The following UBE3C variants were observed in gnomAD, a reference collection of about 807,000 sequenced individuals.
UBE3C encodes the protein ubiquitin-protein ligase E3C.
A neutral mutation model predicts 129.4 loss-of-function variants in UBE3C; 42 were observed. That is an observed-to-expected ratio of 0.32 (90% confidence interval 0.25 to 0.42). The LOEUF is 0.42. Ranked by LOEUF, UBE3C falls within the 10% of genes least tolerant of loss-of-function variation. The probability of loss-of-function intolerance (pLI) is 1.00; values close to 1 mark genes in which losing one functional copy is unlikely to be tolerated. For synonymous variants in UBE3C, 510 were observed against 492.4 expected (o/e 1.04, Z -0.47); for missense variants, 1,049 against 1,319.1 (o/e 0.80, Z 3.17).
rs1051073277 is a variant in UBE3C at position 157,242,636 on chromosome 7, T to G, written c.2482-5732T>G. On this transcript the variant is annotated intron_variant, in intron 18 of 22. Transcript: ENST00000348165. ...GGAAGTGGGAATATGGGTTTGCTAC[T>G]TTAGCGAACTTCCTTGTTCATGAAG... Among the ~76,000 whole-genome samples, 10 of 152,052 alleles carry G rather than the reference T, an allele frequency of 6.6e-5. No individual in the cohort carries two copies. In the East Asian group the frequency reaches 1.9e-3, roughly 29 times the overall value.
intron 10 of UBE3C, among the ~76,000 whole-genome samples, chr7:157,194,451 C>T (rs1276910276): frequency 6.6e-6 from 1 of 152,094 alleles, no homozygotes; most frequent in Non-Finnish European, 1.5e-5. Context: ...GAGAAGTAGG[C>T]ATAAAAGACT....
intron 18 of UBE3C, among the ~76,000 whole-genome samples, chr7:157,236,448 G>A (rs570976111): frequency 1.3e-5 from 2 of 152,256 alleles, no homozygotes; most frequent in East Asian, 1.9e-4. Context: ...CAATTAGATT[G>A]TATAACTTTG....
intron 3 of UBE3C, among the ~76,000 whole-genome samples, chr7:157,169,668 G>A (rs1488627596): frequency 6.6e-6 from 1 of 151,688 alleles, no homozygotes; most frequent in East Asian, 2.0e-4. Context: ...AAGCCACTGC[G>A]CCTGGCCTGT....
chr7:157,196,170 G>A lies in UBE3C; in HGVS notation c.1332-5551G>A, dbSNP rs541414496. Among the ~76,000 whole-genome samples the A allele has an allele frequency of 5.3e-5, 8 of 152,276 alleles. No homozygotes were observed. In the South Asian group the frequency reaches 1.0e-3, roughly 20 times the overall value. ...TAGAAGGCCGCAAGCCAAGGAATGCGGATGTTCTCTAGAAGGTGGAATGAC... is the reference window on the plus strand; with the variant it reads ...TAGAAGGCCGCAAGCCAAGGAATGCAGATGTTCTCTAGAAGGTGGAATGAC... On this transcript the variant is annotated intron_variant, in intron 10 of 22. Coordinates refer to ENST00000348165, the MANE Select transcript of UBE3C (RefSeq NM_014671.3).
At chr7:157,169,207 A>G in intron 3 of UBE3C, 85 bp downstream of exon 3, 1 of 997,846 alleles carries the variant, frequency 1.0e-6, no homozygotes, top group Non-Finnish European at 1.5e-6. Flanking sequence ...TTGTTAATTG[A>G]AGTCAATGCT....
chr7:157,161,983 T>A (rs1451706809), intron 1 of UBE3C, among the ~76,000 whole-genome samples: 1 of 151,664 alleles, frequency 6.6e-6, no homozygotes, highest in Non-Finnish European at 1.5e-5. Flanking sequence ...GGCACGAGAA[T>A]TGCTTGAAAC....
At chr7:157,152,842 G>A (rs1024366391) in intron 1 of UBE3C, among the ~76,000 whole-genome samples, 2 of 152,168 alleles carry the variant, frequency 1.3e-5, no homozygotes, top group Non-Finnish European at 2.9e-5. Context: ...CACTGAGAAG[G>A]TGGTTCCAAC....
intron 11 of UBE3C, among the ~76,000 whole-genome samples, chr7:157,204,797 G>T (rs1809387219): frequency 6.6e-6 from 1 of 152,184 alleles, no homozygotes; most frequent in Admixed American, 6.5e-5. Flanking sequence ...TGGGCAGTAG[G>T]TGCTGGTGTT....
At position 157,186,952 on chromosome 7, in the gene UBE3C, T is replaced by C. The variant is rs1586672935; in HGVS notation, c.1262T>C (p.Val421Ala). 6.2e-7 allele frequency: 1 copy of C among 1,613,442 alleles called. No homozygotes were observed. The highest frequency in any genetic ancestry group is 8.5e-7 in the Non-Finnish European group (1 of 1,179,770). Residue 421 changes from valine (V) to alanine (A), a missense_variant, in exon 10 of 23, where the codon GTC (valine) becomes GCC (alanine). Coordinates refer to ENST00000348165, the MANE Select transcript of UBE3C (RefSeq NM_014671.3). ...TGGAGGGACTCTGCGAGCGAGGAGG[T>C]CTTCACCACCATGGCCTCCGTCTGC... ...LVWRDSASEE[V>A]FTTMASVCHT... is the part of the protein sequence containing the mutation.
intron 15 of UBE3C, 21 bp from the exon 16 acceptor site, chr7:157,223,233 A>G: frequency 6.2e-7 from 1 of 1,612,360 alleles, no homozygotes; most frequent in East Asian, 2.2e-5. Context: ...GAACTAATTA[A>G]GGTTTTAAAA....
chr7:157,185,013 A>AT (rs1197877214), intron 9 of UBE3C, among the ~76,000 whole-genome samples: 1 of 152,196 alleles, frequency 6.6e-6, no homozygotes. Context: ...ACAAGTATTC[A>AT]TTTTTTTGTA....
chr7:157,212,575 A>G (rs1223264426), intron 13 of UBE3C, among the ~76,000 whole-genome samples: 1 of 152,158 alleles, frequency 6.6e-6, no homozygotes, highest in Non-Finnish European at 1.5e-5. Context: ...GTTAATTTAC[A>G]ATGTTTACCT....
chr7:157,145,224 G>C (rs1743441428), intron 1 of UBE3C, among the ~76,000 whole-genome samples: 1 of 151,764 alleles, frequency 6.6e-6, no homozygotes, highest in Admixed American at 6.6e-5. Context: ...CTGGGTGACA[G>C]AGCATGACTC....
At chr7:157,139,870 G>GAATT in intron 1 of UBE3C, 1 of 451,390 alleles carries the variant, frequency 2.2e-6, no homozygotes, top group Non-Finnish European at 2.9e-6. Context: ...TGCTGATGTC[G>GAATT]ATAATCTCTA....
intron 11 of UBE3C, among the ~76,000 whole-genome samples, chr7:157,202,432 G>A (rs774425291): frequency 3.9e-5 from 6 of 152,156 alleles, no homozygotes; most frequent in South Asian, 2.1e-4. Context: ...CGAGGCCAGC[G>A]GATCACCTGA....
At chr7:157,209,088 T>C (rs996639180) in intron 13 of UBE3C, among the ~76,000 whole-genome samples, 1 of 152,222 alleles carries the variant, frequency 6.6e-6, no homozygotes, top group African/African-American at 2.4e-5. Flanking sequence ...ATATTGCTAA[T>C]GGAACTTTCT....
chr7:157,217,147 A>G (rs2117035736), intron 14 of UBE3C, 176 bp downstream of exon 14: 2 of 495,660 alleles, frequency 4.0e-6, no homozygotes, highest in Non-Finnish European at 7.1e-6. Flanking sequence ...AACATATAGC[A>G]GTATCATTGA....
At chr7:157,223,494 A>G in intron 16 of UBE3C, 143 bp downstream of exon 16, 1 of 656,418 alleles carries the variant, frequency 1.5e-6, no homozygotes. Flanking sequence ...GAAATAGCTA[A>G]GAATGATTTA....
rs554974968 is a variant in UBE3C at position 157,227,304 on chromosome 7, G to A, written c.2233+1765G>A. The stretch of plus-strand genomic sequence containing the variant: ...TGGGTGAGGGGAGCTCCGAGGGCAC[G>A]GGTGCTGTGGTCAGGGGTACTTGCA... On this transcript the variant is annotated intron_variant, in intron 17 of 22. Transcript: ENST00000348165. 2.6e-5 allele frequency among the ~76,000 whole-genome samples: 4 copies of A among 152,262 alleles called. No individual in the cohort carries two copies. The South Asian group carries it at 6.2e-4, about 24-fold the overall frequency.
Sources: allele counts gnomAD v4.1 joint callset (sites outside exome capture counted in the v4.1 genomes callset), GRCh38; gene constraint gnomAD v4.1.1; transcripts MANE v1.5; gene names NCBI Gene and HGNC (gene_info 2026-07-23, HGNC 2026-07-21).